The following CORIN variants were observed in gnomAD, a reference collection of about 807,000 sequenced individuals.
The protein encoded by CORIN is atrial natriuretic peptide-converting enzyme.
In CORIN, 117 loss-of-function variants were observed where a neutral mutation model predicts 125.3. The ratio of observed to expected loss-of-function variants is 0.93; its 90% confidence interval spans 0.80 to 1.09. The LOEUF (loss-of-function observed/expected upper bound fraction) is 1.09, where lower values mean the gene tolerates loss of function less well. Ranked by LOEUF, CORIN falls within the 50% of genes least tolerant of loss-of-function variation. CORIN has a pLI of 0.00. For synonymous variants in CORIN, 450 were observed against 466.4 expected, an observed-to-expected ratio of 0.96 and a Z score of 0.45; for missense variants, 1,253 against 1,306.7, an observed-to-expected ratio of 0.96 and a Z score of 0.63.
intron 13 of CORIN, among the ~76,000 whole-genome samples, chr4:47,648,107 A>G (rs4579089): frequency 0.14 from 21,037 of 152,144 alleles, 1,958 homozygotes; most frequent in East Asian, 0.47. Context: ...GTATTATTTT[A>G]AGAAGAAACC....
intron 3 of CORIN, among the ~76,000 whole-genome samples, chr4:47,782,567 C>T (rs768545772): frequency 2.0e-5 from 3 of 152,062 alleles, no homozygotes; most frequent in Non-Finnish European, 4.4e-5. Context: ...GAACCAGAAA[C>T]GTTTTCACAC....
intron 5 of CORIN, among the ~76,000 whole-genome samples, chr4:47,741,677 G>A (rs1229583565): frequency 6.6e-6 from 1 of 151,974 alleles, no homozygotes; most frequent in Non-Finnish European, 1.5e-5. Flanking sequence ...ATTAATGTAT[G>A]GATTTTTAAT....
At chr4:47,615,492 A>C (rs1373087399) in intron 19 of CORIN, among the ~76,000 whole-genome samples, 2 of 152,198 alleles carry the variant, frequency 1.3e-5, no homozygotes, top group African/African-American at 4.8e-5. Flanking sequence ...TTATTAGGAA[A>C]TAGGGACTTT....
At chr4:47,638,551 T>C (rs1198792601) in intron 16 of CORIN, among the ~76,000 whole-genome samples, 1 of 152,202 alleles carries the variant, frequency 6.6e-6, no homozygotes, top group Non-Finnish European at 1.5e-5. Flanking sequence ...TTTCACAAGA[T>C]CATATGGTTT....
At chr4:47,630,530 A>G (rs1722765054) in intron 16 of CORIN, among the ~76,000 whole-genome samples, 1 of 152,198 alleles carries the variant, frequency 6.6e-6, no homozygotes, top group East Asian at 1.9e-4. Context: ...CAGACTCAAA[A>G]TGCTTCCATA....
chr4:47,686,355 T>C (rs1725516791), intron 6 of CORIN, among the ~76,000 whole-genome samples: 1 of 152,054 alleles, frequency 6.6e-6, no homozygotes, highest in African/African-American at 2.4e-5. Context: ...CTTTTTATTT[T>C]TCACTTCCCC....
chr4:47,719,780 C>A (rs1447481481), intron 5 of CORIN, among the ~76,000 whole-genome samples: 1 of 152,186 alleles, frequency 6.6e-6, no homozygotes, highest in East Asian at 1.9e-4. Context: ...AATAATATTT[C>A]ATAATATCCT....
At chr4:47,805,148 A>AAAATAAT (rs796469224) in intron 2 of CORIN, among the ~76,000 whole-genome samples, 20 of 129,158 alleles carry the variant, frequency 1.5e-4, no homozygotes, top group African/African-American at 5.3e-4. Context: ...AAAAAAAAAA[A>AAAATAAT]AATAATAATA....
intron 3 of CORIN, among the ~76,000 whole-genome samples, chr4:47,769,176 G>T (rs1260585362): frequency 6.6e-6 from 1 of 151,988 alleles, no homozygotes; most frequent in Non-Finnish European, 1.5e-5. Context: ...AATCAGAAAT[G>T]GAGAGAAAAA....
intron 13 of CORIN, among the ~76,000 whole-genome samples, chr4:47,649,483 G>T (rs1723642711): frequency 1.3e-5 from 2 of 152,230 alleles, no homozygotes; most frequent in Non-Finnish European, 2.9e-5. Context: ...ATCGCCTCCT[G>T]ATTTTCCACC....
intron 3 of CORIN, among the ~76,000 whole-genome samples, chr4:47,770,014 G>A (rs1448841240): frequency 1.3e-5 from 2 of 151,922 alleles, no homozygotes; most frequent in Non-Finnish European, 2.9e-5. Flanking sequence ...TACACAAATG[G>A]GATTACATCA....
At chr4:47,776,297 T>G (rs1262015053) in intron 3 of CORIN, among the ~76,000 whole-genome samples, 2 of 150,572 alleles carry the variant, frequency 1.3e-5, no homozygotes, top group Admixed American at 6.6e-5. Flanking sequence ...TTTTGGGGGG[T>G]TTTTTTGAGT....
intron 5 of CORIN, among the ~76,000 whole-genome samples, chr4:47,740,452 G>A (rs368377312): frequency 1.6e-4 from 24 of 151,800 alleles, no homozygotes; most frequent in African/African-American, 5.1e-4. Context: ...TTTTCCTGAC[G>A]AATTGACCCT....
Position 47,815,626 on chromosome 4 carries a change from G to C in CORIN, c.64-8579C>G, listed in dbSNP as rs150122749. 8.7e-3 allele frequency among the ~76,000 whole-genome samples: 1,326 copies of C among 152,108 alleles called. 17 individuals are homozygous for C. Among genetic ancestry groups the C allele is most frequent in the African/African-American group, 0.03 (1,254 of 41,496 alleles). ...ACTATCATTTTATGAAAGACACAAA[G>C]TTTAAAGTAATAAAGTTTCCTTTTA... is the stretch of plus-strand genomic sequence containing the variant. On this transcript the variant is annotated intron_variant, in intron 1 of 21. Coordinates refer to ENST00000273857, the MANE Select transcript of CORIN (RefSeq NM_006587.4).
chr4:47,656,132 A>G (rs1357119805), intron 12 of CORIN, among the ~76,000 whole-genome samples: 1 of 151,618 alleles, frequency 6.6e-6, no homozygotes, highest in Non-Finnish European at 1.5e-5. Flanking sequence ...TTAAAAGGTC[A>G]TTCATCATGA....
intron 4 of CORIN, among the ~76,000 whole-genome samples, chr4:47,754,696 G>A (rs1055931684): frequency 2.7e-4 from 41 of 151,942 alleles, no homozygotes; most frequent in Admixed American, 3.3e-4. Context: ...TTAAATATTT[G>A]TTTAATATTT....
chr4:47,630,274 C>T (rs551359274), intron 16 of CORIN, among the ~76,000 whole-genome samples: 1 of 152,190 alleles, frequency 6.6e-6, no homozygotes, highest in South Asian at 2.1e-4. Context: ...AATATACATG[C>T]ACATCAAGAA....
intron 5 of CORIN, among the ~76,000 whole-genome samples, chr4:47,743,198 A>G (rs1340982830): frequency 1.3e-5 from 1 of 79,214 alleles, no homozygotes; most frequent in African/African-American, 3.5e-5. Context: ...TAAGACACAG[A>G]AAAAAAAAAC....
intron 3 of CORIN, among the ~76,000 whole-genome samples, chr4:47,772,112 G>GATAGATAGATAT (rs1730068980): frequency 6.6e-6 from 1 of 151,578 alleles, no homozygotes; most frequent in Non-Finnish European, 1.5e-5. Flanking sequence ...TAGATAGATA[G>GATAGATAGATAT]ATAGGTAGAT....
Sources: gnomAD v4.1 joint callset for allele counts (sites outside exome capture counted in the v4.1 genomes callset) on GRCh38, gnomAD v4.1.1 for gene constraint, MANE v1.5 for transcripts, NCBI Gene and HGNC (gene_info 2026-07-23, HGNC 2026-07-21) for gene names.